The following CDC14A variants were observed in gnomAD, a reference collection of about 807,000 sequenced individuals.
CDC14A encodes the protein dual specificity protein phosphatase CDC14A.
A neutral mutation model predicts 74.4 loss-of-function variants in CDC14A; 53 were observed. That is an observed-to-expected ratio of 0.71 (90% CI 0.57 to 0.89). CDC14A has a LOEUF of 0.89. Among genes scored for constraint, CDC14A ranks in the 40% least tolerant of loss-of-function variants. The probability of loss-of-function intolerance (pLI) is 0.00; values close to 1 mark genes in which losing one functional copy is unlikely to be tolerated. For missense variants in CDC14A, 646 were observed against 713.7 expected, an observed-to-expected ratio of 0.91 and a Z score of 1.08; for synonymous variants, 247 against 258.4, an observed-to-expected ratio of 0.96 and a Z score of 0.43.
intron 11 of CDC14A, chr1:100,485,087 C>A: frequency 2.0e-6 from 2 of 985,268 alleles, no homozygotes; most frequent in South Asian, 9.4e-5. Flanking sequence ...TTATATCACA[C>A]CCTGTTACCT....
chr1:100,426,476 AC>A (rs1287890469), intron 5 of CDC14A, among the ~76,000 whole-genome samples: 1 of 152,206 alleles, frequency 6.6e-6, no homozygotes, highest in Non-Finnish European at 1.5e-5. Flanking sequence ...AATTAATACT[AC>A]TTAACATAGA....
upstream of CDC14A, among the ~76,000 whole-genome samples, chr1:100,351,495 C>T (rs967458509): frequency 6.6e-6 from 1 of 152,210 alleles, no homozygotes; most frequent in Non-Finnish European, 1.5e-5. Flanking sequence ...CGTAGAGCCT[C>T]GCAGAGACAA....
chr1:100,458,397 AT>A (rs1477676589), intron 8 of CDC14A, among the ~76,000 whole-genome samples: 1 of 152,170 alleles, frequency 6.6e-6, no homozygotes, highest in Non-Finnish European at 1.5e-5. Context: ...CTATATGCAT[AT>A]TTTATTCTAT....
intron 2 of CDC14A, among the ~76,000 whole-genome samples, chr1:100,370,262 G>A (rs959879634): frequency 2.6e-5 from 4 of 151,834 alleles, no homozygotes; most frequent in East Asian, 1.9e-4. Context: ...GGGATTATAG[G>A]CATGAGCCAC....
chr1:100,377,421 A>C, intron 2 of CDC14A, 125 bp from the exon 3 acceptor site: 1 of 678,784 alleles, frequency 1.5e-6, no homozygotes, highest in East Asian at 2.7e-5. Context: ...TATACCATGG[A>C]TCAGATTAGT....
chr1:100,443,620 C>T (rs1665206550), intron 7 of CDC14A, among the ~76,000 whole-genome samples: 1 of 152,090 alleles, frequency 6.6e-6, no homozygotes, highest in African/African-American at 2.4e-5. Flanking sequence ...CAGGCATGAG[C>T]CACCATGCCA....
chr1:100,510,853 G>C (rs891254793), intron 15 of CDC14A, among the ~76,000 whole-genome samples: 1 of 151,978 alleles, frequency 6.6e-6, no homozygotes, highest in Non-Finnish European at 1.5e-5. Context: ...TTCCCCACCT[G>C]GCTGTTCCAA....
intron 15 of CDC14A, among the ~76,000 whole-genome samples, chr1:100,500,811 A>AGTGTGTGTGTGTGTGT (rs58424420): frequency 2.1e-4 from 27 of 131,324 alleles, no homozygotes; most frequent in African/African-American, 7.4e-4. Context: ...ATGAGAATGC[A>AGTGTGTGTGTGTGTGT]GTGTGTGTGT....
At chr1:100,442,775 C>T (rs559297886) in intron 6 of CDC14A, among the ~76,000 whole-genome samples, 159 bp from the exon 7 acceptor site, 3 of 152,050 alleles carry the variant, frequency 2.0e-5, no homozygotes, top group Middle Eastern at 3.4e-3. Context: ...GCAATATAAC[C>T]AGTTTTATAA....
chr1:100,449,192 G>A (rs142589321), intron 7 of CDC14A, among the ~76,000 whole-genome samples: 2 of 152,288 alleles, frequency 1.3e-5, no homozygotes, highest in East Asian at 1.9e-4. Context: ...ACAATGTAGC[G>A]CATCTGGGAA....
chr1:100,484,270 T>C (rs1433639611), intron 10 of CDC14A, 22 bp from the exon 11 acceptor site: 2 of 1,425,910 alleles, frequency 1.4e-6, no homozygotes, highest in East Asian at 2.5e-5. Context: ...TGTCGTTTTG[T>C]TTTGTTTTGT....
chr1:100,512,676 T>TGGA (rs1269135712), intron 15 of CDC14A, among the ~76,000 whole-genome samples: 3 of 152,200 alleles, frequency 2.0e-5, no homozygotes. Flanking sequence ...AAGAATCTAT[T>TGGA]AAAAATCATG....
chr1:100,366,098 C>T (rs1364133383), intron 2 of CDC14A, among the ~76,000 whole-genome samples: 1 of 152,096 alleles, frequency 6.6e-6, no homozygotes, highest in South Asian at 2.1e-4. Flanking sequence ...GACCAATAGG[C>T]TTTTAGTAAC....
At chr1:100,400,475 G>A (rs1452930202) in intron 4 of CDC14A, among the ~76,000 whole-genome samples, 1 of 152,094 alleles carries the variant, frequency 6.6e-6, no homozygotes, top group East Asian at 1.9e-4. Context: ...TAAATCTAAC[G>A]GCAGTGTTTG....
intron 11 of CDC14A, among the ~76,000 whole-genome samples, chr1:100,491,572 A>ATATATATATATT (rs1418515078): frequency 1.5e-3 from 37 of 25,106 alleles, no homozygotes; most frequent in Non-Finnish European, 2.2e-3. Flanking sequence ...ATATATATAT[A>ATATATATATATT]TTTTTTTTTT....
At chr1:100,468,630 T>C (rs893517630) in intron 10 of CDC14A, among the ~76,000 whole-genome samples, 1 of 152,228 alleles carries the variant, frequency 6.6e-6, no homozygotes, top group African/African-American at 2.4e-5. Context: ...TTTATGACCA[T>C]TATTTAGAAG....
At chr1:100,384,961 T>G (rs1656640307) in intron 3 of CDC14A, among the ~76,000 whole-genome samples, 1 of 152,202 alleles carries the variant, frequency 6.6e-6, no homozygotes, top group South Asian at 2.1e-4. Context: ...ATAATGACAT[T>G]TAAGGCAGCT....
intron 3 of CDC14A, among the ~76,000 whole-genome samples, chr1:100,384,100 A>ATCC (rs1213763883): frequency 6.6e-6 from 1 of 152,192 alleles, no homozygotes; most frequent in Admixed American, 6.5e-5. Context: ...CTTGTGTTTT[A>ATCC]CAAGGAGTGA....
intron 14 of CDC14A, 26 bp from the exon 15 acceptor site, chr1:100,498,903 C>A: frequency 6.3e-7 from 1 of 1,583,226 alleles, no homozygotes. Flanking sequence ...CTGTTTTTTC[C>A]CTCCTCACTT....
Sources: gnomAD v4.1 joint callset for allele counts (sites outside exome capture counted in the v4.1 genomes callset) on GRCh38, gnomAD v4.1.1 for gene constraint, MANE v1.5 for transcripts, NCBI Gene and HGNC (gene_info 2026-07-23, HGNC 2026-07-21) for gene names.